Variants in OLA1 observed in about 807,000 individuals in gnomAD.
OLA1 encodes the protein Obg like ATPase 1.
Under a neutral mutation model 48.4 loss-of-function variants are expected in OLA1, and 14 were observed. The observed-to-expected ratio is 0.29, with a 90% CI of 0.19 to 0.45. The LOEUF (loss-of-function observed/expected upper bound fraction) is 0.45. Ranked by LOEUF, OLA1 falls within the 20% of genes least tolerant of loss-of-function variation. OLA1 has a pLI of 1.00. For synonymous variants in OLA1, 127 were observed against 150.4 expected (o/e 0.84, Z 1.14); for missense variants, 325 against 467.1 (o/e 0.70, Z 2.80).
In OLA1 at chr2:174,133,193, C is replaced by T. The variant is rs1329423797; in HGVS notation, c.549+8632G>A. On this transcript the variant is annotated intron_variant, in intron 5 of 10. Transcript: ENST00000284719. ...TCTCCATTCTTTGCTTTCAACTTTT[C>T]TGCATCTTCAACTTACAATGGTTCG... Among the ~76,000 whole-genome samples, 10 of 152,134 alleles carry T rather than the reference C, an allele frequency of 6.6e-5. No individual in the cohort carries two copies. The East Asian group carries it at 1.9e-3, about 29-fold the overall frequency.
At chr2:174,207,955 G>A (rs1688154189) in intron 4 of OLA1, among the ~76,000 whole-genome samples, 1 of 152,078 alleles carries the variant, frequency 6.6e-6, no homozygotes, top group Admixed American at 6.6e-5. Context: ...CAAAATATAG[G>A]CACTCGTGGA....
chr2:174,102,297 C>A (rs1032382125), intron 7 of OLA1, among the ~76,000 whole-genome samples: 4 of 151,880 alleles, frequency 2.6e-5, no homozygotes, highest in African/African-American at 7.3e-5. Context: ...ACCAACAGCA[C>A]ACAAGCTACA....
At position 174,074,663 on chromosome 2, in the gene OLA1, T is replaced by C. The variant is rs1177961164; in HGVS notation, c.*763A>G. On this transcript the variant is annotated 3_prime_UTR_variant, in exon 11 of 11. Coordinates refer to ENST00000284719, the MANE Select transcript of OLA1 (RefSeq NM_013341.5). ...ATTAAAAGTGAACCTCTTTTCAATA[T>C]GGTCAGAACAACAATAACAAACAAA... is the stretch of plus-strand genomic sequence containing the variant. 6.6e-6 allele frequency: 1 copy of C among 151,942 alleles called. No individual in the cohort carries two copies. Among genetic ancestry groups the C allele is most frequent in the African/African-American group, 2.4e-5 (1 of 41,380 alleles). The allele number at this position is 151,942 out of a possible 1,614,324, so 9.4% of individuals were successfully genotyped here. A position where few individuals can be genotyped will look rare whatever the true frequency, so the allele number is the denominator to read the frequency against.
At chr2:174,226,901 G>C (rs1688628451) in intron 3 of OLA1, among the ~76,000 whole-genome samples, 1 of 152,048 alleles carries the variant, frequency 6.6e-6, no homozygotes, top group Non-Finnish European at 1.5e-5. Context: ...GCCAGCCTAG[G>C]CAACATGGCA....
chr2:174,164,975 G>A (rs1187973486), intron 4 of OLA1, among the ~76,000 whole-genome samples: 1 of 152,194 alleles, frequency 6.6e-6, no homozygotes, highest in African/African-American at 2.4e-5. Flanking sequence ...ACAACCATGA[G>A]AGGAATCAGC....
intron 4 of OLA1, among the ~76,000 whole-genome samples, chr2:174,154,226 A>T (rs186951398): frequency 6.6e-6 from 1 of 151,786 alleles, no homozygotes; most frequent in East Asian, 1.9e-4. Flanking sequence ...TATTGAGCTG[A>T]CTGTTTCTGT....
intron 4 of OLA1, among the ~76,000 whole-genome samples, chr2:174,193,375 C>T (rs1384199042): frequency 1.3e-5 from 2 of 152,206 alleles, no homozygotes; most frequent in African/African-American, 4.8e-5. Flanking sequence ...CAGGCGTGAG[C>T]CACTGCACCC....
chr2:174,247,710 G>A, intron 1 of OLA1: 1 of 1,551,048 alleles, frequency 6.4e-7, no homozygotes, highest in Non-Finnish European at 8.7e-7. Flanking sequence ...CCCACCTTTG[G>A]CACTGAAGGT....
intron 4 of OLA1, among the ~76,000 whole-genome samples, chr2:174,200,710 C>T (rs1044632515): frequency 6.6e-6 from 1 of 152,000 alleles, no homozygotes; most frequent in African/African-American, 2.4e-5. Context: ...CCTAATGAAC[C>T]AACTCATTAT....
chr2:174,147,224 C>T (rs530871794), intron 4 of OLA1, among the ~76,000 whole-genome samples: 4 of 152,124 alleles, frequency 2.6e-5, no homozygotes, highest in East Asian at 3.9e-4. Context: ...GTCAGGAGTT[C>T]GAGACCAGCC....
chr2:174,123,446 GA>G, intron 6 of OLA1, 148 bp downstream of exon 6: 4 of 603,150 alleles, frequency 6.6e-6, no homozygotes, highest in Non-Finnish European at 1.1e-5. Flanking sequence ...TGGGGGAAAA[GA>G]AAAAAATAAC....
intron 4 of OLA1, among the ~76,000 whole-genome samples, chr2:174,148,632 C>T (rs753215916): frequency 6.6e-6 from 1 of 152,174 alleles, no homozygotes; most frequent in Non-Finnish European, 1.5e-5. Flanking sequence ...TCTTGACTTC[C>T]CTCACATTTC....
At chr2:174,188,953 C>T (rs1687715970) in intron 4 of OLA1, among the ~76,000 whole-genome samples, 1 of 151,998 alleles carries the variant, frequency 6.6e-6, no homozygotes, top group Non-Finnish European at 1.5e-5. Flanking sequence ...AGATATTCAC[C>T]TTATATTACT....
In OLA1 at chr2:174,163,770, A is replaced by AT. The variant is rs1160776242; in HGVS notation, c.374-21771dup. 5.3e-4 allele frequency among the ~76,000 whole-genome samples: 14 copies of AT among 26,392 alleles called. 2 individuals are homozygous for AT. Among genetic ancestry groups the AT allele is most frequent in the Non-Finnish European group, 4.8e-4 (7 of 14,452 alleles). The allele number at this position is 26,392 out of a possible 152,430, so 17.3% of individuals were successfully genotyped here. A position where few individuals can be genotyped will look rare whatever the true frequency, so the allele number is the denominator to read the frequency against. On this transcript the variant is annotated intron_variant, in intron 4 of 10. Coordinates refer to ENST00000284719, the MANE Select transcript of OLA1 (RefSeq NM_013341.5). ...TATATATATATATATATATATATAT[A>AT]TATATAAATAAATGTTTGGGTGCCT... is the stretch of plus-strand genomic sequence containing the variant.
chr2:174,169,385 A>G (rs1687245970), intron 4 of OLA1, among the ~76,000 whole-genome samples: 1 of 152,246 alleles, frequency 6.6e-6, no homozygotes, highest in Admixed American at 6.5e-5. Context: ...AAGACATACA[A>G]TAGCAGAGGT....
intron 4 of OLA1, among the ~76,000 whole-genome samples, chr2:174,173,649 T>G (rs1408762918): frequency 6.7e-6 from 1 of 150,256 alleles, no homozygotes; most frequent in Non-Finnish European, 1.5e-5. Context: ...AAGGAAATAA[T>G]AAAAGATATG....
chr2:174,136,213 T>A (rs1686306614), intron 5 of OLA1, among the ~76,000 whole-genome samples: 1 of 152,180 alleles, frequency 6.6e-6, no homozygotes, highest in African/African-American at 2.4e-5. Flanking sequence ...ATCAATCAAC[T>A]CTTCCTTTCA....
chr2:174,236,661 A>G (rs1023465283), intron 2 of OLA1, among the ~76,000 whole-genome samples: 2 of 152,290 alleles, frequency 1.3e-5, no homozygotes, highest in East Asian at 3.9e-4. Context: ...ATTTACACAA[A>G]CCTAGATGGT....
intron 1 of OLA1, 90 bp from the exon 2 acceptor site, chr2:174,246,905 T>G: frequency 1.4e-6 from 1 of 725,950 alleles, no homozygotes; most frequent in Non-Finnish European, 2.3e-6. Context: ...TATTATTGAA[T>G]TAAGATTAAG....
Sources: gnomAD v4.1 joint callset for allele counts (sites outside exome capture counted in the v4.1 genomes callset) on GRCh38, gnomAD v4.1.1 for gene constraint, MANE v1.5 for transcripts, NCBI Gene and HGNC (gene_info 2026-07-23, HGNC 2026-07-21) for gene names.